Variants in KIAA1671 observed in about 807,000 individuals in gnomAD.
The protein encoded by KIAA1671 is KIAA1671.
Under a neutral mutation model 131.2 loss-of-function variants are expected in KIAA1671, and 52 were observed. That is an observed-to-expected ratio of 0.40 (90% confidence interval 0.32 to 0.50). The LOEUF (loss-of-function observed/expected upper bound fraction) is 0.50, where lower values mean the gene tolerates loss of function less well. Among genes scored for constraint, KIAA1671 ranks in the 20% least tolerant of loss-of-function variants. The pLI is 0.73. For missense variants in KIAA1671, 2,360 were observed against 2,364.2 expected, an observed-to-expected ratio of 1.00 and a Z score of 0.04; for synonymous variants, 1,003 against 961.6, an observed-to-expected ratio of 1.04 and a Z score of -0.80.
rs535638936 is a variant in KIAA1671 at position 25,089,249 on chromosome 22, CTG to C, written c.4530+39897_4530+39898del. On this transcript the variant is annotated intron_variant, in intron 6 of 12. Transcript: ENST00000358431. ...ATCCCCCACAGATACCAAGGGGTGCCTGTGTGTGTGTGTTTAATTTTTTTTTT... is the reference window on the plus strand; with the variant it reads ...ATCCCCCACAGATACCAAGGGGTGCCTGTGTGTGTGTTTAATTTTTTTTTT... 2.3e-3 allele frequency among the ~76,000 whole-genome samples: 336 copies of C among 148,924 alleles called. 2 individuals are homozygous for C. Among genetic ancestry groups the C allele is most frequent in the African/African-American group, 7.5e-3 (300 of 40,218 alleles).
chr22:25,000,207 T>TAAATGTAGCTTTCGATGTTGTTG (rs1569202495), intron 1 of KIAA1671, among the ~76,000 whole-genome samples: 8 of 83,230 alleles, frequency 9.6e-5, no homozygotes, highest in African/African-American at 3.3e-4. Flanking sequence ...TTTTTTTTTT[T>TAAATGTAGCTTTCGATGTTGTTG]TTTTGAGACG....
chr22:25,040,338 A>T lies in KIAA1671; in HGVS notation c.3208A>T (p.Thr1070Ser), dbSNP rs2145806295. The change falls in exon 5 of 13, where the codon ACT (threonine) becomes TCT (serine). Residue 1070 changes from threonine (T) to serine (S), a missense_variant. Physicochemically the swap from Thr to Ser is moderately conservative, Grantham distance 58. Around this residue, in one of 3 missense-constraint regions of KIAA1671, gnomAD observed 1,161 missense variants for 1,204.7 expected, o/e 0.96. Transcript: ENST00000358431. Reference protein sequence around the residue: ...PPSSPHSLTSTLVSLGHEEAL... With the variant: ...PPSSPHSLTSSLVSLGHEEAL... Reference sequence around the variant, plus strand: ...CTCGTCTCCTCATTCTTTAACATCCACTTTGGTTTCTCTTGGTCATGAAGA... The same window carrying T: ...CTCGTCTCCTCATTCTTTAACATCCTCTTTGGTTTCTCTTGGTCATGAAGA... The T allele has an allele frequency of 1.3e-6, 2 of 1,551,636 alleles. No individual in the cohort carries two copies. Among genetic ancestry groups the T allele is most frequent in the Middle Eastern group, 1.7e-4 (1 of 5,992 alleles).
chr22:24,980,270 ATTT>A (rs59392276), intron 1 of KIAA1671, among the ~76,000 whole-genome samples: 4 of 119,214 alleles, frequency 3.4e-5, no homozygotes, highest in Admixed American at 8.6e-5. Context: ...AGTTTCTTTG[ATTT>A]TTTTTTTTTT....
intron 4 of KIAA1671, among the ~76,000 whole-genome samples, chr22:25,038,372 C>T (rs1231048219): frequency 1.3e-5 from 2 of 152,174 alleles, no homozygotes; most frequent in Non-Finnish European, 2.9e-5. Flanking sequence ...TGAAATTTAG[C>T]CAATGCTTTT....
Position 25,195,820 on chromosome 22 carries a change from T to G in KIAA1671, c.*3419T>G, listed in dbSNP as rs1934808270. 2 of 141,926 alleles carry G rather than the reference T, an allele frequency of 1.4e-5. No individual in the cohort carries two copies. The highest frequency in any genetic ancestry group is 5.0e-5 in the African/African-American group (2 of 40,294). The allele number at this position is 141,926 out of a possible 1,614,324, so 8.8% of individuals were successfully genotyped here. Reference sequence around the variant, plus strand: ...AATCCCTCCTCCCCAGTGTAGATATTTAAACCAGAGTAAGTGATGGGGAGA... The same window carrying G: ...AATCCCTCCTCCCCAGTGTAGATATGTAAACCAGAGTAAGTGATGGGGAGA... On this transcript the variant is annotated 3_prime_UTR_variant, in exon 13 of 13. Transcript: ENST00000358431.
intron 1 of KIAA1671, among the ~76,000 whole-genome samples, chr22:25,003,020 G>A (rs989709526): frequency 6.6e-6 from 1 of 152,094 alleles, no homozygotes; most frequent in East Asian, 1.9e-4. Flanking sequence ...TGATCCATCC[G>A]CCTCGGCCTC....
Position 25,040,628 on chromosome 22 carries a change from G to A in KIAA1671, c.3498G>A (p.Leu1166=). 4 of 1,551,866 alleles carry A rather than the reference G, an allele frequency of 2.6e-6. No individual in the cohort carries two copies. The highest frequency in any genetic ancestry group is 3.5e-6 in the Non-Finnish European group (4 of 1,147,022). Residue 1166 remains leucine (L), a synonymous_variant, in exon 5 of 13, where the codon CTG becomes CTA. Coordinates refer to ENST00000358431, the MANE Select transcript of KIAA1671 (RefSeq NM_001145206.2). The part of the protein sequence containing the change: ...SGGAPQTTPT[L]RSRPKDLPVR... ...GAGCTCCCCAAACCACCCCGACTCT[G>A]AGGAGTCGTCCAAAAGATCTTCCTG...
chr22:25,114,110 G>A (rs1931532508), intron 6 of KIAA1671, among the ~76,000 whole-genome samples: 1 of 152,174 alleles, frequency 6.6e-6, no homozygotes, highest in African/African-American at 2.4e-5. Flanking sequence ...GTTGGGTGGT[G>A]CAGAGAACCA....
chr22:24,969,765 G>A lies in KIAA1671; in HGVS notation c.-208+16993G>A, dbSNP rs1385714005. On this transcript the variant is annotated intron_variant, in intron 1 of 12. Coordinates refer to ENST00000358431, the MANE Select transcript of KIAA1671 (RefSeq NM_001145206.2). ...ACTGAGGCGGCTTATATTCCACCCT[G>A]GCTCTGTAACCGCTTGGCTTTGTGA... Among the ~76,000 whole-genome samples, 4 of 152,176 alleles carry A rather than the reference G, an allele frequency of 2.6e-5. No individual in the cohort carries two copies. The East Asian group carries it at 7.7e-4, about 29-fold the overall frequency.
intron 6 of KIAA1671, among the ~76,000 whole-genome samples, chr22:25,082,212 C>T (rs1228886117): frequency 6.6e-6 from 1 of 152,180 alleles, no homozygotes; most frequent in Non-Finnish European, 1.5e-5. Flanking sequence ...GCCACCACCC[C>T]CTCTGGGCCC....
At chr22:25,067,201 C>G (rs1322835770) in intron 6 of KIAA1671, among the ~76,000 whole-genome samples, 2 of 152,044 alleles carry the variant, frequency 1.3e-5, no homozygotes, top group Non-Finnish European at 2.9e-5. Context: ...CCCAGCGGTG[C>G]TCCCCTCCCC....
intron 1 of KIAA1671, among the ~76,000 whole-genome samples, chr22:25,009,025 G>A (rs1274616603): frequency 6.6e-6 from 1 of 152,190 alleles, no homozygotes; most frequent in Admixed American, 6.5e-5. Context: ...AACCAGGAGA[G>A]GACCTGTCAG....
At chr22:24,959,854 A>G (rs530276946) in intron 1 of KIAA1671, among the ~76,000 whole-genome samples, 1 of 152,180 alleles carries the variant, frequency 6.6e-6, no homozygotes, top group African/African-American at 2.4e-5. Flanking sequence ...AATATGAAAT[A>G]CGGCCGGGCG....
chr22:24,972,225 G>GT (rs1305854169), intron 1 of KIAA1671, among the ~76,000 whole-genome samples: 1 of 152,156 alleles, frequency 6.6e-6, no homozygotes, highest in East Asian at 1.9e-4. Context: ...CATAAACATG[G>GT]TTAATGGTTA....
intron 4 of KIAA1671, 73 bp downstream of exon 4, chr22:25,032,769 T>A: frequency 2.2e-6 from 2 of 910,388 alleles, no homozygotes. Context: ...AGAGCCTCCA[T>A]GATCTTCTAG....
At position 25,185,130 on chromosome 22, in the gene KIAA1671, T is replaced by A. The variant is rs758851995; in HGVS notation, c.5342+11T>A. ...GGACAAGGATGAGAGGTGAGGGGTCTTGGGGAATGGGGGTCCCTCTCCTTC... is the reference window on the plus strand; with the variant it reads ...GGACAAGGATGAGAGGTGAGGGGTCATGGGGAATGGGGGTCCCTCTCCTTC... On this transcript the variant is annotated intron_variant, in intron 11 of 12. Coordinates refer to ENST00000358431, the MANE Select transcript of KIAA1671 (RefSeq NM_001145206.2). 6.4e-5 allele frequency: 99 copies of A among 1,538,316 alleles called. No homozygotes were observed. Among genetic ancestry groups the A allele is most frequent in the Non-Finnish European group, 5.5e-5 (63 of 1,139,948 alleles).
At chr22:24,978,221 C>T (rs896156333) in intron 1 of KIAA1671, among the ~76,000 whole-genome samples, 2 of 152,052 alleles carry the variant, frequency 1.3e-5, no homozygotes, top group African/African-American at 2.4e-5. Flanking sequence ...ATCACGGGGG[C>T]GGTTTTCCCC....
intron 1 of KIAA1671, among the ~76,000 whole-genome samples, chr22:24,981,271 A>G (rs1923222317): frequency 1.3e-5 from 2 of 151,954 alleles, no homozygotes; most frequent in African/African-American, 4.8e-5. Flanking sequence ...GTTCTCCCTC[A>G]CTGGACTGTG....
At chr22:25,088,456 A>C (rs1233216442) in intron 6 of KIAA1671, among the ~76,000 whole-genome samples, 1 of 152,176 alleles carries the variant, frequency 6.6e-6, no homozygotes, top group African/African-American at 2.4e-5. Flanking sequence ...ACCAGGTGCC[A>C]GGCTCTGCAG....
Sources: gnomAD v4.1 joint callset for allele counts (sites outside exome capture counted in the v4.1 genomes callset) on GRCh38, gnomAD v4.1.1 for gene constraint, gnomAD v4.1.1 regional missense constraint, MANE v1.5 for transcripts, NCBI Gene and HGNC (gene_info 2026-07-23, HGNC 2026-07-21) for gene names.